Variants in TSPAN18 observed in about 807,000 individuals in gnomAD.
The protein encoded by TSPAN18 is tetraspanin-18.
Under a neutral mutation model 27.3 loss-of-function variants are expected in TSPAN18, and 14 were observed. The observed-to-expected ratio is 0.51, with a 90% CI of 0.34 to 0.80. The LOEUF (loss-of-function observed/expected upper bound fraction) is 0.80, where lower values mean the gene tolerates loss of function less well. Among genes scored for constraint, TSPAN18 ranks in the 30% least tolerant of loss-of-function variants. TSPAN18 has a pLI of 0.01. For synonymous variants in TSPAN18, 143 were observed against 136.5 expected (o/e 1.05, Z -0.33); for missense variants, 268 against 323.9 (o/e 0.83, Z 1.32).
chr11:44,755,182 C>T (rs10769076), intron 1 of TSPAN18, among the ~76,000 whole-genome samples: 34,644 of 151,986 alleles, frequency 0.23, 5,701 homozygotes, highest in East Asian at 0.78. Flanking sequence ...GGGCTCAGAT[C>T]GGAAGGCCCA....
intron 2 of TSPAN18, among the ~76,000 whole-genome samples, chr11:44,839,671 G>T (rs1336363011): frequency 6.6e-6 from 1 of 151,966 alleles, no homozygotes; most frequent in African/African-American, 2.4e-5. Context: ...TCTAATCTTG[G>T]CTAATTGCTT....
At position 44,795,693 on chromosome 11, in the gene TSPAN18, C is replaced by T. The variant is rs77125565; in HGVS notation, c.-153+31181C>T. On this transcript the variant is annotated intron_variant, in intron 2 of 9. Transcript: ENST00000520358. Reference sequence around the variant, plus strand: ...CTGGGGCCCAGACCCCATTTTCTGCCCCAGGAGCCGGAAGAAAGGATACAT... The same window carrying T: ...CTGGGGCCCAGACCCCATTTTCTGCTCCAGGAGCCGGAAGAAAGGATACAT... 2.6e-5 allele frequency among the ~76,000 whole-genome samples: 4 copies of T among 151,526 alleles called. 1 individual carries two copies. In the East Asian group the frequency reaches 7.8e-4, roughly 30 times the overall value.
intron 1 of TSPAN18, among the ~76,000 whole-genome samples, chr11:44,727,763 G>T (rs1327644892): frequency 6.6e-6 from 1 of 152,218 alleles, no homozygotes; most frequent in Non-Finnish European, 1.5e-5. Context: ...CATGGAGGGC[G>T]GGCTGCCTTT....
intron 8 of TSPAN18, among the ~76,000 whole-genome samples, chr11:44,923,456 C>T (rs375802002): frequency 3.3e-5 from 5 of 152,210 alleles, no homozygotes; most frequent in East Asian, 3.9e-4. Context: ...GAAACCGTCA[C>T]GGGGTGGAGA....
At chr11:44,751,604 A>T (rs550390173) in intron 1 of TSPAN18, among the ~76,000 whole-genome samples, 1 of 152,256 alleles carries the variant, frequency 6.6e-6, no homozygotes, top group Non-Finnish European at 1.5e-5. Context: ...AATAATGTTT[A>T]TCACTTTCTC....
At chr11:44,835,106 G>GCC (rs1857238601) in intron 2 of TSPAN18, among the ~76,000 whole-genome samples, 1 of 152,210 alleles carries the variant, frequency 6.6e-6, no homozygotes, top group South Asian at 2.1e-4. Flanking sequence ...GGAGCAGGGG[G>GCC]CTCCGGCAGC....
intron 2 of TSPAN18, among the ~76,000 whole-genome samples, chr11:44,816,982 C>A (rs1203125859): frequency 1.3e-5 from 2 of 152,214 alleles, no homozygotes; most frequent in Non-Finnish European, 2.9e-5. Flanking sequence ...GCTAGTTGGG[C>A]TCTGGTGCCA....
At chr11:44,753,706 C>A (rs1855265544) in intron 1 of TSPAN18, among the ~76,000 whole-genome samples, 1 of 152,198 alleles carries the variant, frequency 6.6e-6, no homozygotes, top group Non-Finnish European at 1.5e-5. Flanking sequence ...TTCAGTGTGG[C>A]TTGCTGAGTG....
rs988223229 is a variant in TSPAN18 at position 44,901,887 on chromosome 11, G to C, written c.-10-4520G>C. Among the ~76,000 whole-genome samples, 8 of 152,310 alleles carry C rather than the reference G, an allele frequency of 5.3e-5. No homozygotes were observed. The East Asian group carries it at 1.5e-3, about 29-fold the overall frequency. On this transcript the variant is annotated intron_variant, in intron 3 of 9. Coordinates refer to ENST00000520358, the MANE Select transcript of TSPAN18 (RefSeq NM_130783.5). ...CTCTTCTGTAAAATGGGCATAGTAC[G>C]TCCTGCTTTAGGGGCTTGTTGAGAG... is the stretch of plus-strand genomic sequence containing the variant.
At chr11:44,806,386 A>T (rs571501825) in intron 2 of TSPAN18, among the ~76,000 whole-genome samples, 11 of 152,172 alleles carry the variant, frequency 7.2e-5, no homozygotes, top group Non-Finnish European at 1.6e-4. Context: ...GTAGTTCCTA[A>T]CAATTATTAG....
chr11:44,909,911 A>G lies in TSPAN18; in HGVS notation c.258+12A>G. 1 of 1,604,594 alleles carries G rather than the reference A, an allele frequency of 6.2e-7. No individual in the cohort carries two copies. The highest frequency in any genetic ancestry group is 8.5e-7 in the Non-Finnish European group (1 of 1,174,102). ...GTCTGCTGCTATTTGTGAGTACCCC[A>G]GCCCCCACCCCATCCATGGGTGCTC... On this transcript the variant is annotated intron_variant, in intron 5 of 9. Coordinates refer to ENST00000520358, the MANE Select transcript of TSPAN18 (RefSeq NM_130783.5).
chr11:44,832,546 A>T (rs1857176974), intron 2 of TSPAN18, among the ~76,000 whole-genome samples: 2 of 152,040 alleles, frequency 1.3e-5, no homozygotes, highest in African/African-American at 4.8e-5. Flanking sequence ...GCTTCTTCCC[A>T]TGCTGACAGC....
intron 2 of TSPAN18, among the ~76,000 whole-genome samples, chr11:44,810,612 T>C (rs1341074392): frequency 6.6e-6 from 1 of 151,340 alleles, no homozygotes; most frequent in Non-Finnish European, 1.5e-5. Context: ...TTCTTTTTTT[T>C]TTTTTTTGAG....
chr11:44,842,272 G>A (rs1291833941), intron 2 of TSPAN18, among the ~76,000 whole-genome samples: 1 of 152,150 alleles, frequency 6.6e-6, no homozygotes, highest in African/African-American at 2.4e-5. Context: ...CCACTATTAG[G>A]TCCCTTCATG....
chr11:44,920,620 A>T (rs1010598879), intron 8 of TSPAN18, among the ~76,000 whole-genome samples: 1 of 152,110 alleles, frequency 6.6e-6, no homozygotes, highest in Non-Finnish European at 1.5e-5. Context: ...CCTTGCTCTT[A>T]ATCCCCTTCT....
intron 1 of TSPAN18, among the ~76,000 whole-genome samples, chr11:44,760,727 G>A (rs749647270): frequency 1.3e-4 from 20 of 152,262 alleles, no homozygotes; most frequent in Non-Finnish European, 2.8e-4. Flanking sequence ...TGCAAAATGG[G>A]TGAAATTGGC....
At chr11:44,916,244 G>A (rs1025338699) in intron 5 of TSPAN18, among the ~76,000 whole-genome samples, 6 of 152,208 alleles carry the variant, frequency 3.9e-5, no homozygotes, top group African/African-American at 9.6e-5. Flanking sequence ...GAAGGCAGCC[G>A]CTGTGGATGC....
chr11:44,895,871 C>T (rs1483498007), intron 3 of TSPAN18, among the ~76,000 whole-genome samples: 1 of 152,204 alleles, frequency 6.6e-6, no homozygotes, highest in Non-Finnish European at 1.5e-5. Context: ...ATCACCCCGT[C>T]CTTGTTTCCC....
chr11:44,767,800 A>G (rs1198079240), intron 2 of TSPAN18, among the ~76,000 whole-genome samples: 2 of 152,202 alleles, frequency 1.3e-5, no homozygotes, highest in East Asian at 3.8e-4. Flanking sequence ...GTAGGGATTC[A>G]GTGTCATTCT....
Sources: allele counts gnomAD v4.1 joint callset (sites outside exome capture counted in the v4.1 genomes callset), GRCh38; gene constraint gnomAD v4.1.1; transcripts MANE v1.5; gene names NCBI Gene and HGNC (gene_info 2026-07-23, HGNC 2026-07-21).